ANXA10: variants seen among roughly 807,000 people sequenced by gnomAD.
ANXA10 encodes annexin A10, also known as annexin 14.
ANXA10 carries 49 observed loss-of-function variants against 53.5 expected under a neutral mutation model. The ratio of observed to expected loss-of-function variants is 0.92; its 90% CI spans 0.73 to 1.16. ANXA10 has a LOEUF of 1.16. ANXA10 is among the 50% of genes most tolerant of loss of function. The pLI, the probability that ANXA10 is intolerant of heterozygous loss-of-function variation, is 0.00. For synonymous variants in ANXA10, 131 were observed against 128.9 expected, an observed-to-expected ratio of 1.02 and a Z score of -0.11; for missense variants, 393 against 394.4, an observed-to-expected ratio of 1.00 and a Z score of 0.03.
chr4:168,149,314 T>C (rs1161815813), intron 3 of ANXA10, among the ~76,000 whole-genome samples: 3 of 152,240 alleles, frequency 2.0e-5, no homozygotes, highest in African/African-American at 7.2e-5. Context: ...ATAAATACCA[T>C]ATATTTCTTG....
In ANXA10 at chr4:168,177,742, G is replaced by C; in HGVS notation, c.483G>C (p.Gly161=). ...GAAAACCTGTGCTTACTTTACAGGG[G>C]ACCAGAGAGGAAGGATATACAGACC... ...FRDTLMNLVQ[G]TREEGYTDPA... Residue 161 remains glycine (G), a splice_region_variant and synonymous_variant, in exon 7 of 12, where the codon GGG becomes GGC. Coordinates refer to ENST00000359299, the MANE Select transcript of ANXA10 (RefSeq NM_007193.5). 1 of 1,614,122 alleles carries C rather than the reference G, an allele frequency of 6.2e-7. No homozygotes were observed. Among genetic ancestry groups the C allele is most frequent in the Non-Finnish European group, 8.5e-7 (1 of 1,180,004 alleles).
Position 168,156,198 on chromosome 4 carries a change from A to ATATATTATATATT in ANXA10, c.196-6330_196-6329insTATATTATATATT, listed in dbSNP as rs1491176698. Among the ~76,000 whole-genome samples the ATATATTATATATT allele has an allele frequency of 4.4e-3, 53 of 12,042 alleles. 2 individuals carry two copies. The East Asian group carries it at 0.052, about 12-fold the overall frequency. 7.9% of individuals were successfully genotyped at this position (12,042 alleles called of 152,430 possible). A position where few individuals can be genotyped will look rare whatever the true frequency, so the allele number is the denominator to read the frequency against. The stretch of plus-strand genomic sequence containing the variant: ...ATATTATATATTATATATTATATAT[A>ATATATTATATATT]ATATATATTATATTATATGTAATAT... On this transcript the variant is annotated intron_variant, in intron 3 of 11. Coordinates refer to ENST00000359299, the MANE Select transcript of ANXA10 (RefSeq NM_007193.5).
At chr4:168,175,227 T>C (rs538483794) in intron 6 of ANXA10, among the ~76,000 whole-genome samples, 78 of 152,294 alleles carry the variant, frequency 5.1e-4, no homozygotes, top group African/African-American at 1.8e-3. Flanking sequence ...GTGTCGATTA[T>C]ACCAAATCCT....
At chr4:168,139,385 C>A in intron 2 of ANXA10, 101 bp from the exon 3 acceptor site, 1 of 821,764 alleles carries the variant, frequency 1.2e-6, no homozygotes, top group East Asian at 2.7e-5. Context: ...AAAATACCAT[C>A]AGGGATAATG....
At chr4:168,162,683 C>A in intron 4 of ANXA10, 42 bp downstream of exon 4, 5 of 1,525,996 alleles carry the variant, frequency 3.3e-6, no homozygotes, top group Non-Finnish European at 4.5e-6. Context: ...CAAGTACAGG[C>A]CAGTATTTCA....
intron 2 of ANXA10, among the ~76,000 whole-genome samples, chr4:168,137,930 C>T (rs994987834): frequency 1.3e-5 from 2 of 151,322 alleles, no homozygotes; most frequent in Non-Finnish European, 2.9e-5. Context: ...CCTTTTTTTG[C>T]ACATCCTCTC....
At chr4:168,176,127 C>A (rs545539184) in intron 6 of ANXA10, among the ~76,000 whole-genome samples, 1 of 152,082 alleles carries the variant, frequency 6.6e-6, no homozygotes, top group Non-Finnish European at 1.5e-5. Context: ...ACTACCTTGG[C>A]AACAGGAAGG....
intron 2 of ANXA10, among the ~76,000 whole-genome samples, chr4:168,133,553 A>G (rs2149470896): frequency 6.6e-6 from 1 of 152,250 alleles, no homozygotes; most frequent in South Asian, 2.1e-4. Context: ...GAGGCTACAG[A>G]AGAGCTTTAA....
intron 3 of ANXA10, among the ~76,000 whole-genome samples, chr4:168,141,137 G>T (rs1731318838): frequency 6.6e-6 from 1 of 152,150 alleles, no homozygotes. Flanking sequence ...ACTTTTCACT[G>T]TACATATAAA....
At chr4:168,154,422 G>A (rs2149474914) in intron 3 of ANXA10, among the ~76,000 whole-genome samples, 1 of 152,146 alleles carries the variant, frequency 6.6e-6, no homozygotes, top group East Asian at 1.9e-4. Context: ...TAGACTTTTG[G>A]GGGAAATATG....
chr4:168,186,845 C>A (rs151155079), intron 11 of ANXA10, among the ~76,000 whole-genome samples: 547 of 152,124 alleles, frequency 3.6e-3, no homozygotes, highest in Non-Finnish European at 5.2e-3. Flanking sequence ...TTATACATTG[C>A]TTCTCAGTTT....
chr4:168,146,174 G>A (rs148309064), intron 3 of ANXA10, among the ~76,000 whole-genome samples: 2,403 of 152,264 alleles, frequency 0.016, 63 homozygotes, highest in African/African-American at 0.054. Context: ...CTCTCAAAGT[G>A]CTGGGATTGC....
intron 1 of ANXA10, among the ~76,000 whole-genome samples, chr4:168,101,682 T>C (rs997464081): frequency 5.9e-5 from 9 of 152,124 alleles, no homozygotes; most frequent in African/African-American, 1.9e-4. Context: ...TCATTGCTAC[T>C]GGGGTATCAC....
rs114160156 is a variant in ANXA10 at position 168,143,165 on chromosome 4, C to T, written c.195+3585C>T. ...CTGGCTGCTACCAGGTTAATTTCTC[C>T]GACCATCAGTAAGGTCTTCTTGACA... is the stretch of plus-strand genomic sequence containing the variant. On this transcript the variant is annotated intron_variant, in intron 3 of 11. Coordinates refer to ENST00000359299, the MANE Select transcript of ANXA10 (RefSeq NM_007193.5). 1.6e-3 allele frequency among the ~76,000 whole-genome samples: 246 copies of T among 152,200 alleles called. 1 individual carries two copies. Among genetic ancestry groups the T allele is most frequent in the African/African-American group, 5.7e-3 (238 of 41,542 alleles).
intron 1 of ANXA10, among the ~76,000 whole-genome samples, chr4:168,112,898 T>C (rs1456435073): frequency 6.6e-6 from 1 of 152,044 alleles, no homozygotes; most frequent in African/African-American, 2.4e-5. Flanking sequence ...TGGCACGTGC[T>C]TGTAGTCCCA....
chr4:168,101,603 C>T (rs1159457683), intron 1 of ANXA10, among the ~76,000 whole-genome samples: 2 of 151,934 alleles, frequency 1.3e-5, no homozygotes, highest in Non-Finnish European at 2.9e-5. Flanking sequence ...TTAACCACTT[C>T]TCCAAAACGC....
chr4:168,173,173 CAAAT>C (rs1214099726), intron 6 of ANXA10, among the ~76,000 whole-genome samples: 3 of 151,984 alleles, frequency 2.0e-5, no homozygotes, highest in Admixed American at 6.6e-5. Context: ...AATGAGTTAA[CAAAT>C]AAATCAATGT....
In ANXA10 at chr4:168,179,269, T is replaced by C; in HGVS notation, c.681T>C (p.Asn227=). 2 of 1,612,140 alleles carry C rather than the reference T, an allele frequency of 1.2e-6. No individual in the cohort carries two copies. The highest frequency in any genetic ancestry group is 1.7e-6 in the Non-Finnish European group (2 of 1,179,150). Residue 227 remains asparagine, a synonymous_variant, in exon 9 of 12, where the codon AAT becomes AAC. Transcript: ENST00000359299. ...GGCAAGATATGGTAGATGCCATTAA[T>C]GAATGTTATGATGGATACTTTCAGG... The part of the protein sequence containing the change: ...ISGQDMVDAI[N]ECYDGYFQEL...
chr4:168,168,162 A>C (rs1731916538), intron 6 of ANXA10, among the ~76,000 whole-genome samples: 1 of 152,160 alleles, frequency 6.6e-6, no homozygotes, highest in Admixed American at 6.6e-5. Flanking sequence ...AGTGATCCAG[A>C]GACTTAGTCT....
Sources: allele counts gnomAD v4.1 joint callset (sites outside exome capture counted in the v4.1 genomes callset), GRCh38; gene constraint gnomAD v4.1.1; transcripts MANE v1.5; gene names NCBI Gene and HGNC (gene_info 2026-07-23, HGNC 2026-07-21).